Variants in SAMD4A observed in about 807,000 individuals in gnomAD.
The protein encoded by SAMD4A is sterile alpha motif domain containing 4A.
In SAMD4A, 33 loss-of-function variants were observed where a neutral mutation model predicts 81.3. The ratio of observed to expected loss-of-function variants is 0.41; its 90% confidence interval spans 0.31 to 0.54. SAMD4A has a LOEUF of 0.54. Ranked by LOEUF, SAMD4A falls within the 20% of genes least tolerant of loss-of-function variation. The probability of loss-of-function intolerance (pLI) is 0.37; values close to 1 mark genes in which losing one functional copy is unlikely to be tolerated. For missense variants in SAMD4A, 854 were observed against 951.1 expected (o/e 0.90, Z 1.34); for synonymous variants, 389 against 382.1 (o/e 1.02, Z -0.21).
At position 54,787,253 on chromosome 14, in the gene SAMD4A, CTTCCT is replaced by C. The variant is rs1296629559; in HGVS notation, c.2129-1659_2129-1655del. Among the ~76,000 whole-genome samples, 10 of 152,348 alleles carry C rather than the reference CTTCCT, an allele frequency of 6.6e-5. 1 individual carries two copies. Among genetic ancestry groups the C allele is most frequent in the South Asian group, 4.1e-4 (2 of 4,830 alleles). On this transcript the variant is annotated intron_variant, in intron 12 of 12. Transcript: ENST00000554335. ...CCACTGACACACTCAGGGACCATTG[CTTCCT>C]TTCTTTAAAATCTCCCCTAAAATCA...
At chr14:54,731,921 A>G (rs1195444699) in intron 3 of SAMD4A, among the ~76,000 whole-genome samples, 1 of 152,242 alleles carries the variant, frequency 6.6e-6, no homozygotes, top group Admixed American at 6.5e-5. Context: ...TCTAGACTCT[A>G]AAACAAAATG....
chr14:54,625,696 G>T (rs1252517472), intron 2 of SAMD4A, among the ~76,000 whole-genome samples: 1 of 152,156 alleles, frequency 6.6e-6, no homozygotes, highest in Non-Finnish European at 1.5e-5. Flanking sequence ...AAAGTACTTA[G>T]AAAGTACCTA....
intron 2 of SAMD4A, among the ~76,000 whole-genome samples, chr14:54,572,445 A>G (rs568631113): frequency 2.1e-4 from 32 of 152,364 alleles, no homozygotes; most frequent in African/African-American, 7.0e-4. Context: ...ATGGGCCTAC[A>G]TGCATGATCC....
chr14:54,647,109 C>T (rs1031300136), intron 2 of SAMD4A, among the ~76,000 whole-genome samples: 7 of 152,210 alleles, frequency 4.6e-5, no homozygotes, highest in Non-Finnish European at 8.8e-5. Flanking sequence ...AAGTACTTAA[C>T]ATTTGGGATA....
intron 2 of SAMD4A, among the ~76,000 whole-genome samples, chr14:54,629,369 A>G (rs74699292): frequency 6.6e-6 from 1 of 152,286 alleles, no homozygotes; most frequent in Non-Finnish European, 1.5e-5. Flanking sequence ...TAAGTTACCC[A>G]GTTTGTGGTA....
intron 2 of SAMD4A, among the ~76,000 whole-genome samples, chr14:54,667,285 T>C (rs1299599403): frequency 6.6e-6 from 1 of 152,218 alleles, no homozygotes; most frequent in African/African-American, 2.4e-5. Context: ...CTCAGCTCAA[T>C]ATCCTTATCT....
chr14:54,653,311 TA>T (rs1290423273), intron 2 of SAMD4A, among the ~76,000 whole-genome samples: 2 of 84,528 alleles, frequency 2.4e-5, no homozygotes, highest in Non-Finnish European at 4.5e-5. Flanking sequence ...ATATTATTAT[TA>T]TTATTATTAT....
chr14:54,607,495 G>A (rs7143681), intron 2 of SAMD4A, among the ~76,000 whole-genome samples: 19,084 of 148,624 alleles, frequency 0.13, 1,610 homozygotes, highest in East Asian at 0.38. Context: ...TTGCTCTGTC[G>A]CCCAGGCTGG....
chr14:54,709,205 A>G (rs1806534013), intron 3 of SAMD4A, among the ~76,000 whole-genome samples: 1 of 150,956 alleles, frequency 6.6e-6, no homozygotes, highest in South Asian at 2.1e-4. Context: ...TGAGCCTGGG[A>G]GGTAGAGGTT....
upstream of SAMD4A, among the ~76,000 whole-genome samples, chr14:54,566,750 C>T (rs1032668372): frequency 6.6e-6 from 1 of 151,848 alleles, no homozygotes; most frequent in Non-Finnish European, 1.5e-5. Context: ...GCCACACACG[C>T]GCGCACACAC....
intron 7 of SAMD4A, among the ~76,000 whole-genome samples, chr14:54,763,477 A>G (rs1345106865): frequency 1.3e-5 from 2 of 152,244 alleles, no homozygotes; most frequent in African/African-American, 2.4e-5. Flanking sequence ...TAATGTATTT[A>G]ACAAAGTCCC....
At chr14:54,672,234 G>A (rs970264377) in intron 2 of SAMD4A, among the ~76,000 whole-genome samples, 3 of 151,240 alleles carry the variant, frequency 2.0e-5, no homozygotes, top group Non-Finnish European at 2.9e-5. Context: ...TGTTTTTTTT[G>A]TGTTTTTTTC....
At chr14:54,735,021 C>G (rs2037655658) in intron 3 of SAMD4A, 1 of 152,248 alleles carries the variant, frequency 6.6e-6, no homozygotes, top group South Asian at 2.1e-4. Flanking sequence ...AAGCATCCAC[C>G]AGATAGTCTG....
At chr14:54,739,707 G>A (rs1339610437) in intron 4 of SAMD4A, among the ~76,000 whole-genome samples, 10 of 152,194 alleles carry the variant, frequency 6.6e-5, no homozygotes, top group Non-Finnish European at 1.2e-4. Flanking sequence ...CAGCCTTGCT[G>A]CAAGATGCCA....
chr14:54,580,654 T>C (rs889875049), intron 2 of SAMD4A, among the ~76,000 whole-genome samples: 2 of 152,188 alleles, frequency 1.3e-5, no homozygotes, highest in Non-Finnish European at 2.9e-5. Flanking sequence ...AGTCTCCTTG[T>C]CTACGACAGC....
intron 2 of SAMD4A, among the ~76,000 whole-genome samples, chr14:54,616,713 C>T (rs1440129487): frequency 1.3e-5 from 2 of 152,156 alleles, no homozygotes; most frequent in African/African-American, 2.4e-5. Context: ...TAGAATTAAA[C>T]TTATTGATTT....
chr14:54,580,004 G>A (rs1156974689), intron 2 of SAMD4A, among the ~76,000 whole-genome samples: 2 of 152,198 alleles, frequency 1.3e-5, no homozygotes, highest in Non-Finnish European at 2.9e-5. Flanking sequence ...GTTACAGTTG[G>A]TATAAGAGTG....
At chr14:54,681,716 G>A in intron 2 of SAMD4A, 1 of 858,066 alleles carries the variant, frequency 1.2e-6, no homozygotes, top group Non-Finnish European at 1.4e-6. Context: ...ACAGGTGTGA[G>A]CCACCACGCC....
chr14:54,776,015 T>TAAAAAAAAAAAA (rs10539223), intron 10 of SAMD4A, among the ~76,000 whole-genome samples: 3 of 89,840 alleles, frequency 3.3e-5, no homozygotes, highest in African/African-American at 1.4e-4. Context: ...GTAAGAATCT[T>TAAAAAAAAAAAA]AAAAAAAAAA....
Sources: gnomAD v4.1 joint callset for allele counts (sites outside exome capture counted in the v4.1 genomes callset) on GRCh38, gnomAD v4.1.1 for gene constraint, MANE v1.5 for transcripts, NCBI Gene and HGNC (gene_info 2026-07-23, HGNC 2026-07-21) for gene names.